The following KIFAP3 variants were observed in gnomAD, a reference collection of about 807,000 sequenced individuals.
KIFAP3 encodes the protein kinesin associated protein 3.
In KIFAP3, 68 loss-of-function variants were observed where a neutral mutation model predicts 106.5. That is an observed-to-expected ratio of 0.64 (90% CI 0.53 to 0.78). KIFAP3 has a LOEUF of 0.78. Among genes scored for constraint, KIFAP3 ranks in the 30% least tolerant of loss-of-function variants. The probability of loss-of-function intolerance (pLI) is 0.00; values close to 1 mark genes in which losing one functional copy is unlikely to be tolerated. For missense variants in KIFAP3, 780 were observed against 941.8 expected (o/e 0.83, Z 2.25); for synonymous variants, 320 against 311.5 (o/e 1.03, Z -0.29).
At chr1:169,951,022 G>A (rs1205985953) in intron 19 of KIFAP3, among the ~76,000 whole-genome samples, 3 of 151,648 alleles carry the variant, frequency 2.0e-5, no homozygotes, top group Non-Finnish European at 3.0e-5. Context: ...CACCACAAAT[G>A]ATTGAATAAA....
chr1:169,944,139 C>A (rs1438576183), intron 19 of KIFAP3, among the ~76,000 whole-genome samples: 2 of 150,864 alleles, frequency 1.3e-5, no homozygotes, highest in South Asian at 2.1e-4. Flanking sequence ...GAGCTACCAA[C>A]CTGGATCCCA....
At chr1:169,973,124 A>G (rs10525923) in intron 16 of KIFAP3, among the ~76,000 whole-genome samples, 1,302 of 48,224 alleles carry the variant, frequency 0.027, 50 homozygotes, top group African/African-American at 0.089. Flanking sequence ...TATATATATA[A>G]ACAACACAAA....
chr1:170,006,899 C>G (rs181141229), intron 10 of KIFAP3, among the ~76,000 whole-genome samples: 13 of 151,872 alleles, frequency 8.6e-5, no homozygotes, highest in African/African-American at 2.9e-4. Context: ...ATGAAGTCAG[C>G]AAAGTAGTAA....
chr1:169,942,577 T>C lies in KIFAP3; in HGVS notation c.2273+11434A>G, dbSNP rs3790398. 3.9e-5 allele frequency among the ~76,000 whole-genome samples: 6 copies of C among 152,320 alleles called. No homozygotes were observed. In the East Asian group the frequency reaches 1.2e-3, roughly 29 times the overall value. The stretch of plus-strand genomic sequence containing the variant: ...TAGCTGAAATTCTGCAAATATGCAG[T>C]TGGCTGTGGTTTGGCATTCAACAGA... On this transcript the variant is annotated intron_variant, in intron 19 of 19. Coordinates refer to ENST00000361580, the MANE Select transcript of KIFAP3 (RefSeq NM_014970.4).
At chr1:169,982,194 G>T in intron 14 of KIFAP3, 97 bp from the exon 15 acceptor site, 2 of 1,256,186 alleles carry the variant, frequency 1.6e-6, no homozygotes, top group Non-Finnish European at 2.2e-6. Flanking sequence ...GATACTGAAA[G>T]CTATTAAATC....
chr1:169,958,649 C>T (rs1397208349), intron 18 of KIFAP3, among the ~76,000 whole-genome samples: 4 of 152,262 alleles, frequency 2.6e-5, no homozygotes, highest in East Asian at 3.9e-4. Flanking sequence ...TTTTAAGCTT[C>T]ATATTCCAGT....
In KIFAP3 at chr1:169,981,976, T is replaced by C. The variant is rs41302121; in HGVS notation, c.1794A>G (p.Leu598=). 4.7e-5 allele frequency: 75 copies of C among 1,610,968 alleles called. No homozygotes were observed. Among genetic ancestry groups the C allele is most frequent in the Admixed American group, 6.7e-5 (4 of 59,796 alleles). The change falls in exon 15 of 20, where the codon CTA becomes CTG. Residue 598 remains leucine, a synonymous_variant. Transcript: ENST00000361580. ...SGIIPALIEL[L]NAQQEDDEFV... is the part of the protein sequence containing the mutation. The stretch of plus-strand genomic sequence containing the variant: ...AAATAAATTAAGGTTATTTACCATT[T>C]AGCAATTCAATGAGTGCAGGGATTA...
chr1:170,034,308 C>T, intron 7 of KIFAP3, 64 bp downstream of exon 7: 1 of 1,482,990 alleles, frequency 6.7e-7, no homozygotes, highest in Non-Finnish European at 9.2e-7. Flanking sequence ...ACAAAACCAT[C>T]CCACCCATCC....
At chr1:170,004,138 G>C (rs1412774401) in intron 10 of KIFAP3, among the ~76,000 whole-genome samples, 60 of 151,934 alleles carry the variant, frequency 3.9e-4, no homozygotes, top group African/African-American at 1.3e-3. Flanking sequence ...ACCTAGGAAT[G>C]CAATTTACAA....
At chr1:169,969,771 T>C (rs374850079) in intron 17 of KIFAP3, among the ~76,000 whole-genome samples, 18 of 152,074 alleles carry the variant, frequency 1.2e-4, no homozygotes, top group African/African-American at 2.6e-4. Flanking sequence ...AATCTAGTGA[T>C]AGGCCATGTA....
chr1:170,034,954 C>T (rs1456513009), intron 6 of KIFAP3, among the ~76,000 whole-genome samples: 1 of 151,848 alleles, frequency 6.6e-6, no homozygotes, highest in Non-Finnish European at 1.5e-5. Flanking sequence ...TTTGCTAATA[C>T]TAGCACATTT....
Position 169,950,525 on chromosome 1 carries a change from T to C in KIFAP3, c.2273+3486A>G, listed in dbSNP as rs184555393. On this transcript the variant is annotated intron_variant, in intron 19 of 19. Transcript: ENST00000361580. ...AGGAAAAACACCCAACAACTCCAAATAGACAATTTAATCTTTTTAAGATAT... is the reference window on the plus strand; with the variant it reads ...AGGAAAAACACCCAACAACTCCAAACAGACAATTTAATCTTTTTAAGATAT... Among the ~76,000 whole-genome samples, 13 of 152,224 alleles carry C rather than the reference T, an allele frequency of 8.5e-5. No homozygotes were observed. The East Asian group carries it at 1.2e-3, about 14-fold the overall frequency.
chr1:169,977,812 A>G (rs850771), intron 16 of KIFAP3, among the ~76,000 whole-genome samples: 142,548 of 152,130 alleles, frequency 0.94, 66,867 homozygotes, highest in East Asian at 1. Flanking sequence ...TGATGCTTAC[A>G]GTGTGTTAAT....
intron 1 of KIFAP3, among the ~76,000 whole-genome samples, chr1:170,066,478 A>C: frequency 6.6e-6 from 1 of 152,136 alleles, no homozygotes; most frequent in East Asian, 1.9e-4. Context: ...GGGGGCAAAA[A>C]CACGTATGTG....
chr1:170,039,224 C>T lies in KIFAP3; in HGVS notation c.375+9G>A. ...GTCCTCTATTAGATCAGAATGCATGCAGTCTTACCTCCATTCCTTCAAAAG... is the reference window on the plus strand; with the variant it reads ...GTCCTCTATTAGATCAGAATGCATGTAGTCTTACCTCCATTCCTTCAAAAG... On this transcript the variant is annotated intron_variant, in intron 4 of 19. Transcript: ENST00000361580. 1.3e-6 allele frequency: 2 copies of T among 1,561,228 alleles called. No individual in the cohort carries two copies. The highest frequency in any genetic ancestry group is 2.2e-5 in the East Asian group (1 of 44,522).
At chr1:170,018,723 A>G (rs908888322) in intron 9 of KIFAP3, among the ~76,000 whole-genome samples, 3 of 151,846 alleles carry the variant, frequency 2.0e-5, no homozygotes, top group Non-Finnish European at 4.4e-5. Flanking sequence ...GACCTCATAA[A>G]AATCACATTA....
chr1:170,053,689 C>T (rs555200398), intron 2 of KIFAP3, among the ~76,000 whole-genome samples: 4 of 151,720 alleles, frequency 2.6e-5, no homozygotes, highest in Non-Finnish European at 5.9e-5. Context: ...AATAACACCA[C>T]ACATCTACAA....
chr1:170,042,105 T>A (rs929412068), intron 3 of KIFAP3, among the ~76,000 whole-genome samples: 1 of 152,180 alleles, frequency 6.6e-6, no homozygotes, highest in African/African-American at 2.4e-5. Context: ...AAAACTTGGA[T>A]ATTGAGCCAA....
intron 10 of KIFAP3, among the ~76,000 whole-genome samples, chr1:170,013,088 G>A (rs1262302464): frequency 6.6e-6 from 1 of 152,056 alleles, no homozygotes; most frequent in Non-Finnish European, 1.5e-5. Context: ...GTGAGGACAT[G>A]GTGAGAAGAC....
Sources: allele counts gnomAD v4.1 joint callset (sites outside exome capture counted in the v4.1 genomes callset), GRCh38; gene constraint gnomAD v4.1.1; transcripts MANE v1.5; gene names NCBI Gene and HGNC (gene_info 2026-07-23, HGNC 2026-07-21).